The following SPPL2B variants were observed in gnomAD, a reference collection of about 807,000 sequenced individuals.
SPPL2B encodes signal peptide peptidase like 2B.
In SPPL2B, 39 loss-of-function variants were observed where a neutral mutation model predicts 59.7. The ratio of observed to expected loss-of-function variants is 0.65; its 90% CI spans 0.51 to 0.85. The LOEUF (loss-of-function observed/expected upper bound fraction) is 0.85, where lower values mean the gene tolerates loss of function less well. Ranked by LOEUF, SPPL2B falls within the 40% of genes least tolerant of loss-of-function variation. The pLI, the probability that SPPL2B is intolerant of heterozygous loss-of-function variation, is 0.00. For missense variants in SPPL2B, 865 were observed against 849.0 expected, an observed-to-expected ratio of 1.02 and a Z score of -0.23; for synonymous variants, 419 against 370.8, an observed-to-expected ratio of 1.13 and a Z score of -1.49.
Position 2,341,011 on chromosome 19 carries a change from A to T in SPPL2B, c.953A>T (p.Asp318Val), listed in dbSNP as rs1222029156. ...SVVWGVFRNE[D>V]QWAWVLQDAL... ...GTGTGGGGCGTCTTCCGCAACGAGGACCAGTAAGTGCTGCTTCCCCCGGGC... is the reference window on the plus strand; with the variant it reads ...GTGTGGGGCGTCTTCCGCAACGAGGTCCAGTAAGTGCTGCTTCCCCCGGGC... Residue 318 changes from aspartate (D) to valine (V), a missense_variant, in exon 8 of 15, where the codon GAC (aspartate) becomes GTC (valine). Coordinates refer to ENST00000613503, the MANE Select transcript of SPPL2B (RefSeq NM_152988.3). 4 of 1,602,082 alleles carry T rather than the reference A, an allele frequency of 2.5e-6. No individual in the cohort carries two copies. The highest frequency in any genetic ancestry group is 3.3e-4 in the Middle Eastern group (2 of 6,060).
chr19:2,338,494 C>G (rs762040703), intron 3 of SPPL2B: 1 of 441,026 alleles, frequency 2.3e-6, no homozygotes, highest in Non-Finnish European at 4.1e-6. Context: ...GTCCCACGGC[C>G]GAGGGAGGGA....
intron 1 of SPPL2B, 57 bp from the exon 2 acceptor site, chr19:2,334,545 G>A: frequency 6.4e-7 from 1 of 1,555,142 alleles, no homozygotes; most frequent in Non-Finnish European, 8.7e-7. Flanking sequence ...TTCTCGTGGG[G>A]CGGTGCAGCC....
intron 13 of SPPL2B, among the ~76,000 whole-genome samples, chr19:2,351,066 C>T (rs1365247057): frequency 4.6e-5 from 7 of 152,238 alleles, no homozygotes; most frequent in African/African-American, 1.4e-4. Flanking sequence ...GGCTGATTTT[C>T]TCAGAGGTTC....
chr19:2,329,290 T>C (rs1202715469), intron 1 of SPPL2B, among the ~76,000 whole-genome samples: 2 of 152,222 alleles, frequency 1.3e-5, no homozygotes, highest in Admixed American at 6.5e-5. Context: ...AGCCCTGCAC[T>C]GGGGTCGGAT....
intron 8 of SPPL2B, chr19:2,342,631 T>A (rs1969121082): frequency 6.5e-6 from 1 of 152,968 alleles, no homozygotes; most frequent in South Asian, 2.0e-4. Context: ...CCAGCCTGGG[T>A]GACAGAGTGA....
At chr19:2,350,629 T>C (rs1176295295) in intron 13 of SPPL2B, among the ~76,000 whole-genome samples, 1 of 152,276 alleles carries the variant, frequency 6.6e-6, no homozygotes, top group African/African-American at 2.4e-5. Flanking sequence ...AGATTTGTGT[T>C]CTTATCTGTA....
At chr19:2,337,755 T>A in intron 3 of SPPL2B, 130 bp downstream of exon 3, 1 of 972,182 alleles carries the variant, frequency 1.0e-6, no homozygotes, top group South Asian at 1.8e-5. Flanking sequence ...GTGGGGAGGA[T>A]CTGGGCCGAG....
Position 2,353,087 on chromosome 19 carries a change from T to C in SPPL2B, c.1657T>C (p.Ser553Pro). The C allele has an allele frequency of 1.2e-6, 2 of 1,611,422 alleles. No homozygotes were observed. Among genetic ancestry groups the C allele is most frequent in the East Asian group, 2.2e-5 (1 of 44,820 alleles). ...SPWPAEQSPK[S>P]RTSEEMGAGA... Reference sequence around the variant, plus strand: ...CTGGCCTGCTGAGCAGTCCCCAAAATCACGCACGTCCGAGGAGATGGGGGC... The same window carrying C: ...CTGGCCTGCTGAGCAGTCCCCAAAACCACGCACGTCCGAGGAGATGGGGGC... Residue 553 changes from serine (S) to proline (P), a missense_variant, in exon 15 of 15, where the codon TCA (serine) becomes CCA (proline). Physicochemically the swap from Ser to Pro is moderately conservative, Grantham distance 74. Coordinates refer to ENST00000613503, the MANE Select transcript of SPPL2B (RefSeq NM_152988.3).
intron 3 of SPPL2B, chr19:2,338,420 C>G (rs544642553): frequency 3.0e-4 from 63 of 208,934 alleles, no homozygotes; most frequent in African/African-American, 1.4e-3. Context: ...GGGCTCAAGG[C>G]GGCTTAGTGG....
At position 2,345,444 on chromosome 19, in the gene SPPL2B, A is replaced by G. The variant is rs1969310859; in HGVS notation, c.1354+114A>G. 6 of 852,336 alleles carry G rather than the reference A, an allele frequency of 7.0e-6. No homozygotes were observed. In the Admixed American group the frequency reaches 1.1e-4, roughly 15 times the overall value. 52.8% of individuals were successfully genotyped at this position (852,336 alleles called of 1,614,324 possible). ...AACCCCAACCCTAACCCTAATTCCA[A>G]CTCTAACACCGTAACCATAACACCC... is the stretch of plus-strand genomic sequence containing the variant. On this transcript the variant is annotated intron_variant, in intron 13 of 14. Coordinates refer to ENST00000613503, the MANE Select transcript of SPPL2B (RefSeq NM_152988.3).
intron 6 of SPPL2B, 54 bp from the exon 7 acceptor site, chr19:2,340,022 G>C: frequency 2.6e-6 from 4 of 1,558,504 alleles, no homozygotes; most frequent in Non-Finnish European, 3.5e-6. Context: ...GCCCCGTGCG[G>C]AGGGAGGGTG....
chr19:2,349,120 C>T (rs369548786), intron 13 of SPPL2B, among the ~76,000 whole-genome samples: 8 of 44,678 alleles, frequency 1.8e-4, no homozygotes, highest in Admixed American at 8.3e-4. Context: ...CCATTCTCTC[C>T]CTCCACACAC....
intron 1 of SPPL2B, among the ~76,000 whole-genome samples, chr19:2,329,492 C>G (rs536350818): frequency 6.6e-6 from 1 of 152,166 alleles, no homozygotes. Flanking sequence ...TCTACGAGAT[C>G]GCACTGTCAT....
At chr19:2,352,245 C>T (rs943986360) in intron 14 of SPPL2B, among the ~76,000 whole-genome samples, 4 of 152,126 alleles carry the variant, frequency 2.6e-5, no homozygotes, top group South Asian at 2.1e-4. Context: ...AGGCGCATTG[C>T]GCCCGAGAGC....
At chr19:2,329,808 T>C (rs889753307) in intron 1 of SPPL2B, among the ~76,000 whole-genome samples, 3 of 152,238 alleles carry the variant, frequency 2.0e-5, no homozygotes, top group African/African-American at 7.2e-5. Flanking sequence ...CGTCCAGTTG[T>C]GACCTGGCTG....
At position 2,340,656 on chromosome 19, in the gene SPPL2B, C is replaced by T. The variant is rs181959698; in HGVS notation, c.840-242C>T. 1,390 of 573,292 alleles carry T rather than the reference C, an allele frequency of 2.4e-3. 14 individuals carry two copies. Among genetic ancestry groups the T allele is most frequent in the African/African-American group, 0.023 (1,193 of 52,846 alleles). 35.5% of individuals were successfully genotyped at this position (573,292 alleles called of 1,614,324 possible). A position where few individuals can be genotyped will look rare whatever the true frequency, so the allele number is the denominator to read the frequency against. On this transcript the variant is annotated intron_variant, in intron 7 of 14. Transcript: ENST00000613503. ...GCAGGCAGGGCCTCGGGCGAAGGGG[C>T]GCAGCGCAGGCGAGGGGCTCTGTGG...
intron 1 of SPPL2B, chr19:2,330,304 G>T (rs1464906818): frequency 7.7e-6 from 1 of 129,054 alleles, no homozygotes; most frequent in South Asian, 2.3e-4. Flanking sequence ...TAGTAGAGAC[G>T]AGGTTTCACC....
intron 2 of SPPL2B, 59 bp downstream of exon 2, chr19:2,334,780 A>G (rs1968467615): frequency 6.8e-7 from 1 of 1,463,402 alleles, no homozygotes. Flanking sequence ...CCGGGGCTCT[A>G]GAGACACATC....
chr19:2,344,536 T>G lies in SPPL2B; in HGVS notation c.1177-17T>G. 6.2e-7 allele frequency: 1 copy of G among 1,607,044 alleles called. No homozygotes were observed. The highest frequency in any genetic ancestry group is 8.5e-7 in the Non-Finnish European group (1 of 1,174,826). ...GTGAGGGTCCTGGAGGACATTGTCC[T>G]CTTCCCGTCTTTGCAGCTGCCCATG... On this transcript the variant is annotated splice_polypyrimidine_tract_variant and intron_variant, in intron 11 of 14. Coordinates refer to ENST00000613503, the MANE Select transcript of SPPL2B (RefSeq NM_152988.3).
Sources: gnomAD v4.1 joint callset for allele counts (sites outside exome capture counted in the v4.1 genomes callset) on GRCh38, gnomAD v4.1.1 for gene constraint, MANE v1.5 for transcripts, NCBI Gene and HGNC (gene_info 2026-07-23, HGNC 2026-07-21) for gene names.